The following PMF1 variants were observed in gnomAD, a reference collection of about 807,000 sequenced individuals.
PMF1 encodes the protein polyamine modulated factor 1.
In PMF1, 21 loss-of-function variants were observed where a neutral mutation model predicts 26.7. That is an observed-to-expected ratio of 0.79 (90% CI 0.56 to 1.13). The LOEUF is 1.13. Among genes scored for constraint, PMF1 ranks in the 50% most tolerant of loss-of-function variants. The pLI is 0.00. For synonymous variants in PMF1, 105 were observed against 101.0 expected, an observed-to-expected ratio of 1.04 and a Z score of -0.24; for missense variants, 266 against 254.9, an observed-to-expected ratio of 1.04 and a Z score of -0.30.
At chr1:156,236,199 A>G in intron 3 of PMF1, 89 bp from the exon 4 acceptor site, 2 of 1,522,474 alleles carry the variant, frequency 1.3e-6, no homozygotes, top group South Asian at 1.3e-5. Flanking sequence ...CAAGGTGGGC[A>G]TGTCACCGAG....
Position 156,232,408 on chromosome 1 carries a change from T to A in PMF1, c.250T>A (p.Leu84Met), listed in dbSNP as rs1400721909. The A allele has an allele frequency of 1.9e-6, 3 of 1,614,030 alleles. No homozygotes were observed. In the South Asian group the frequency reaches 3.3e-5, roughly 18 times the overall value. ...AATCTATGACAAGTTTATAGCTCAG[T>A]TGCAGACATCTATCCGGGTGAGTGG... is the stretch of plus-strand genomic sequence containing the variant. Reference protein sequence around the residue: ...QQIYDKFIAQLQTSIREEISD... With the variant: ...QQIYDKFIAQMQTSIREEISD... The change falls in exon 2 of 5, where the codon TTG (leucine) becomes ATG (methionine). Residue 84 changes from leucine (L) to methionine (M), a missense_variant. By Grantham distance (15) the Leu-to-Met change is conservative. Coordinates refer to ENST00000368277, the MANE Select transcript of PMF1 (RefSeq NM_007221.4).
chr1:156,228,490 G>A (rs1658514569), intron 1 of PMF1, among the ~76,000 whole-genome samples: 1 of 151,832 alleles, frequency 6.6e-6, no homozygotes, highest in Admixed American at 6.6e-5. Context: ...TTGTGTCTGT[G>A]TATGAGTGTG....
chr1:156,219,931 G>A (rs2103084386), intron 1 of PMF1, among the ~76,000 whole-genome samples: 1 of 143,810 alleles, frequency 7.0e-6, no homozygotes, highest in African/African-American at 2.6e-5. Flanking sequence ...TGTATTTTTT[G>A]TAGAAATGGG....
In PMF1 at chr1:156,213,192, C is replaced by G; in HGVS notation, c.161+16C>G. On this transcript the variant is annotated intron_variant, in intron 1 of 4. Coordinates refer to ENST00000368277, the MANE Select transcript of PMF1 (RefSeq NM_007221.4). The stretch of plus-strand genomic sequence containing the variant: ...CCGCCGGCAGGTAAAGTGGACGCAG[C>G]CGCGGTGGGAGTGTTTGTTGGCACC... The G allele has an allele frequency of 6.2e-7, 1 of 1,611,064 alleles. No individual in the cohort carries two copies.
At chr1:156,223,545 G>C (rs992363203) in intron 1 of PMF1, 1 of 152,258 alleles carries the variant, frequency 6.6e-6, no homozygotes, top group East Asian at 1.9e-4. Context: ...ATAGAACCCC[G>C]CCTCACAGAA....
chr1:156,215,539 C>CATTT (rs551849894), intron 1 of PMF1, among the ~76,000 whole-genome samples: 175 of 151,918 alleles, frequency 1.2e-3, no homozygotes, highest in East Asian at 5.2e-3. Context: ...TATGTCCCCC[C>CATTT]ATTTATTTAT....
intron 1 of PMF1, among the ~76,000 whole-genome samples, chr1:156,220,406 G>T (rs1046794800): frequency 6.6e-5 from 10 of 151,954 alleles, no homozygotes; most frequent in African/African-American, 2.4e-4. Flanking sequence ...TAGAAATGGG[G>T]TCTTGCTACA....
intron 1 of PMF1, among the ~76,000 whole-genome samples, chr1:156,218,951 C>T (rs1380619797): frequency 1.3e-5 from 2 of 150,338 alleles, no homozygotes; most frequent in East Asian, 2.0e-4. Flanking sequence ...GACGGAGTCT[C>T]GGTCTGTCCC....
intron 1 of PMF1, among the ~76,000 whole-genome samples, chr1:156,214,156 C>A (rs1027552621): frequency 1.3e-5 from 2 of 152,182 alleles, no homozygotes; most frequent in East Asian, 3.9e-4. Flanking sequence ...CCTCGTGATC[C>A]ACCCACCTCG....
Position 156,236,496 on chromosome 1 carries a change from G to A in PMF1, c.564+13G>A. On this transcript the variant is annotated intron_variant, in intron 4 of 4. Transcript: ENST00000368277. ...GCAGGCCTGGCAGGTCAGTGTCCCA[G>A]CCTGCCTCTTCCTCTTCCTTCTCTA... is the stretch of plus-strand genomic sequence containing the variant. 6.3e-7 allele frequency: 1 copy of A among 1,594,966 alleles called. No individual in the cohort carries two copies. The highest frequency in any genetic ancestry group is 8.5e-7 in the Non-Finnish European group (1 of 1,169,944).
intron 1 of PMF1, among the ~76,000 whole-genome samples, chr1:156,217,967 C>T (rs1657868519): frequency 6.6e-6 from 1 of 152,218 alleles, no homozygotes; most frequent in Non-Finnish European, 1.5e-5. Context: ...AGAGTTTACA[C>T]CTACCTCTGT....
At chr1:156,228,855 C>G (rs1161706204) in intron 1 of PMF1, among the ~76,000 whole-genome samples, 1 of 152,162 alleles carries the variant, frequency 6.6e-6, no homozygotes, top group Non-Finnish European at 1.5e-5. Context: ...ATCTGGGAGT[C>G]TGCTGAGGGT....
intron 1 of PMF1, among the ~76,000 whole-genome samples, chr1:156,219,209 A>G (rs929916485): frequency 3.9e-5 from 6 of 152,122 alleles, no homozygotes; most frequent in African/African-American, 1.4e-4. Context: ...GTGAGCCACC[A>G]TGCACCAAAA....
intron 3 of PMF1, among the ~76,000 whole-genome samples, chr1:156,235,010 C>G (rs1164702600): frequency 6.6e-6 from 1 of 152,134 alleles, no homozygotes; most frequent in East Asian, 1.9e-4. Context: ...AACCCTCCCT[C>G]CCTTAGAATC....
At position 156,233,738 on chromosome 1, in the gene PMF1, G is replaced by A. The variant is rs1367480970; in HGVS notation, c.368+10G>A. On this transcript the variant is annotated intron_variant, in intron 3 of 4. Coordinates refer to ENST00000368277, the MANE Select transcript of PMF1 (RefSeq NM_007221.4). ...GCAAAGAGCCAGCCTGGTGAGAGTG[G>A]GGTGGGGAGGTGAGAAGGTACAGGA... 1 of 1,612,436 alleles carries A rather than the reference G, an allele frequency of 6.2e-7. No individual in the cohort carries two copies. Among genetic ancestry groups the A allele is most frequent in the African/African-American group, 1.3e-5 (1 of 74,894 alleles).
intron 3 of PMF1, among the ~76,000 whole-genome samples, chr1:156,234,327 T>G (rs1421664959): frequency 1.3e-5 from 2 of 151,864 alleles, no homozygotes; most frequent in Non-Finnish European, 2.9e-5. Context: ...GAGCTCATTT[T>G]AGGGTCTGTT....
chr1:156,222,540 G>A (rs539021230), intron 1 of PMF1, among the ~76,000 whole-genome samples: 208 of 152,180 alleles, frequency 1.4e-3, no homozygotes, highest in Middle Eastern at 3.4e-3. Context: ...GAGCCACCAC[G>A]CCCGGCTAAT....
At position 156,240,033 on chromosome 1, in the gene PMF1, T is replaced by A. The variant is rs1401017892; in HGVS notation, c.*432T>A. On this transcript the variant is annotated 3_prime_UTR_variant, in exon 5 of 5. Coordinates refer to ENST00000368277, the MANE Select transcript of PMF1 (RefSeq NM_007221.4). ...ACATCCGTAAATAAACTTCCTTCAC[T>A]ACACTGTAATCTGTGAGCATGCTTC... is the stretch of plus-strand genomic sequence containing the variant. 2 of 163,936 alleles carry A rather than the reference T, an allele frequency of 1.2e-5. No homozygotes were observed. Among genetic ancestry groups the A allele is most frequent in the Non-Finnish European group, 2.6e-5 (2 of 75,654 alleles). 10.2% of individuals were successfully genotyped at this position (163,936 alleles called of 1,614,324 possible).
chr1:156,213,120 G>T lies in PMF1; in HGVS notation c.105G>T (p.Val35=). 6.2e-7 allele frequency: 1 copy of T among 1,614,162 alleles called. No individual in the cohort carries two copies. The highest frequency in any genetic ancestry group is 8.5e-7 in the Non-Finnish European group (1 of 1,179,948). Residue 35 remains valine, a synonymous_variant, in exon 1 of 5, where the codon GTG becomes GTT. Transcript: ENST00000368277. ...SVPPGTTISR[V]KLLDTMVDTF... ...CACCCGGCACTACCATTTCGAGGGTGAAGCTCCTCGACACCATGGTGGACA... is the reference window on the plus strand; with the variant it reads ...CACCCGGCACTACCATTTCGAGGGTTAAGCTCCTCGACACCATGGTGGACA...
Sources: gnomAD v4.1 joint callset for allele counts (sites outside exome capture counted in the v4.1 genomes callset) on GRCh38, gnomAD v4.1.1 for gene constraint, MANE v1.5 for transcripts, NCBI Gene and HGNC (gene_info 2026-07-23, HGNC 2026-07-21) for gene names.